CCNY: variants seen among roughly 807,000 people sequenced by gnomAD.
CCNY encodes the protein cyclin-Y.
In CCNY, 19 loss-of-function variants were observed where a neutral mutation model predicts 42.8. That is an observed-to-expected ratio of 0.44 (90% CI 0.31 to 0.65). The LOEUF (loss-of-function observed/expected upper bound fraction) is 0.65. Ranked by LOEUF, CCNY falls within the 30% of genes least tolerant of loss-of-function variation. CCNY has a pLI of 0.07. For synonymous variants in CCNY, 165 were observed against 162.7 expected, an observed-to-expected ratio of 1.01 and a Z score of -0.11; for missense variants, 370 against 437.3, an observed-to-expected ratio of 0.85 and a Z score of 1.37.
chr10:35,363,189 G>A (rs1374446566), intron 1 of CCNY, among the ~76,000 whole-genome samples: 1 of 151,408 alleles, frequency 6.6e-6, no homozygotes, highest in African/African-American at 2.4e-5. Context: ...CCGACGGGGC[G>A]GCAGCTGGGC....
intron 1 of CCNY, among the ~76,000 whole-genome samples, chr10:35,247,603 G>GA (rs1001030222): frequency 1.3e-4 from 19 of 149,508 alleles, no homozygotes; most frequent in South Asian, 2.1e-4. Flanking sequence ...AGAAATAAAT[G>GA]AAAAAAATCA....
rs146564248 is a variant in CCNY at position 35,481,405 on chromosome 10, G to A, written c.155-1999G>A. Among the ~76,000 whole-genome samples the A allele has an allele frequency of 1.9e-3, 296 of 152,298 alleles. 2 individuals are homozygous for A. Among genetic ancestry groups the A allele is most frequent in the Middle Eastern group, 3.4e-3 (1 of 294 alleles). The stretch of plus-strand genomic sequence containing the variant: ...TAGGAGCAGGATCTCAATTCTCCAA[G>A]AAATGACAGTCTTGTGTTATTTTGG... On this transcript the variant is annotated intron_variant, in intron 1 of 9. Transcript: ENST00000374704.
At chr10:35,526,424 A>AGCCC (rs1840653859) in intron 5 of CCNY, among the ~76,000 whole-genome samples, 1 of 152,262 alleles carries the variant, frequency 6.6e-6, no homozygotes, top group Admixed American at 6.5e-5. Context: ...TTAATATAGA[A>AGCCC]GCCCTCTCTG....
intron 3 of CCNY, chr10:35,316,203 A>C (rs1835757580): frequency 6.6e-6 from 1 of 152,232 alleles, no homozygotes. Flanking sequence ...GCAGTGTACT[A>C]GAGTAACAGA....
intron 1 of CCNY, among the ~76,000 whole-genome samples, chr10:35,346,680 G>C (rs1243333214): frequency 6.6e-6 from 1 of 152,198 alleles, no homozygotes; most frequent in Non-Finnish European, 1.5e-5. Context: ...GCCCAGGCTG[G>C]AGTGCAGTGG....
At chr10:35,461,144 T>C (rs531082690) in intron 1 of CCNY, among the ~76,000 whole-genome samples, 1 of 152,280 alleles carries the variant, frequency 6.6e-6, no homozygotes, top group South Asian at 2.1e-4. Context: ...GATGACACTT[T>C]CCATATCCTG....
At chr10:35,329,386 C>G (rs531898697) in intron 3 of CCNY, among the ~76,000 whole-genome samples, 37 of 151,994 alleles carry the variant, frequency 2.4e-4, no homozygotes, top group African/African-American at 8.9e-4. Context: ...CCCATCTCTA[C>G]TAAAAATAAA....
At chr10:35,509,874 G>A (rs1208878173) in intron 3 of CCNY, among the ~76,000 whole-genome samples, 1 of 152,216 alleles carries the variant, frequency 6.6e-6, no homozygotes, top group African/African-American at 2.4e-5. Flanking sequence ...GGCAAAGACA[G>A]TTCTGCAAAA....
At chr10:35,270,562 GC>G (rs1835150386) in intron 3 of CCNY, among the ~76,000 whole-genome samples, 1 of 151,926 alleles carries the variant, frequency 6.6e-6, no homozygotes, top group Non-Finnish European at 1.5e-5. Context: ...TTTGGTTTTT[GC>G]CTGAATTGGT....
At chr10:35,296,602 A>G (rs1176463372) in intron 3 of CCNY, among the ~76,000 whole-genome samples, 1 of 152,112 alleles carries the variant, frequency 6.6e-6, no homozygotes, top group Non-Finnish European at 1.5e-5. Context: ...AAAAGAAAAA[A>G]GAGAGAAGAA....
chr10:35,462,840 C>G (rs1193068998), intron 1 of CCNY, among the ~76,000 whole-genome samples: 1 of 152,254 alleles, frequency 6.6e-6, no homozygotes, highest in Admixed American at 6.5e-5. Flanking sequence ...TTGAGCGCCT[C>G]TGCAGGGTGC....
intron 1 of CCNY, among the ~76,000 whole-genome samples, chr10:35,407,503 A>G (rs887163202): frequency 6.6e-6 from 1 of 152,146 alleles, no homozygotes; most frequent in Non-Finnish European, 1.5e-5. Flanking sequence ...GACATCAGGC[A>G]CCTCAGACCG....
intron 2 of CCNY, among the ~76,000 whole-genome samples, chr10:35,485,799 CAG>C (rs1839776457): frequency 6.6e-6 from 1 of 150,766 alleles, no homozygotes; most frequent in African/African-American, 2.4e-5. Flanking sequence ...ACATGATAAT[CAG>C]AGAATTGGCT....
chr10:35,419,918 C>T (rs1443421912), intron 1 of CCNY, among the ~76,000 whole-genome samples: 3 of 147,686 alleles, frequency 2.0e-5, no homozygotes, highest in South Asian at 4.2e-4. Flanking sequence ...ATAGATATGG[C>T]TGTAATTTTT....
chr10:35,485,730 A>G (rs1839772780), intron 2 of CCNY, among the ~76,000 whole-genome samples: 1 of 148,862 alleles, frequency 6.7e-6, no homozygotes, highest in Admixed American at 6.6e-5. Context: ...GTCTCAAAAA[A>G]AAAAAAAAAC....
chr10:35,452,981 T>G (rs1260351026), intron 1 of CCNY, among the ~76,000 whole-genome samples: 1 of 152,118 alleles, frequency 6.6e-6, no homozygotes, highest in Non-Finnish European at 1.5e-5. Flanking sequence ...AAAAAAAATA[T>G]TATTTATTTT....
chr10:35,452,742 T>C (rs114639291), intron 1 of CCNY, among the ~76,000 whole-genome samples: 3,391 of 147,226 alleles, frequency 0.023, 125 homozygotes, highest in African/African-American at 0.08. Flanking sequence ...ATTTACCTGT[T>C]AGAGAAAATT....
chr10:35,536,952 G>A (rs1840898565), intron 7 of CCNY, among the ~76,000 whole-genome samples: 3 of 152,178 alleles, frequency 2.0e-5, no homozygotes, highest in Admixed American at 1.3e-4. Context: ...AGACAATGGG[G>A]AAAATGTCTC....
chr10:35,558,155 C>T (rs1404838334), intron 8 of CCNY, among the ~76,000 whole-genome samples: 1 of 152,224 alleles, frequency 6.6e-6, no homozygotes, highest in East Asian at 1.9e-4. Context: ...TAGAGTCATT[C>T]ACTTTTCCAG....
Sources: gnomAD v4.1 joint callset for allele counts (sites outside exome capture counted in the v4.1 genomes callset) on GRCh38, gnomAD v4.1.1 for gene constraint, MANE v1.5 for transcripts, NCBI Gene and HGNC (gene_info 2026-07-23, HGNC 2026-07-21) for gene names.